The following ATP1A4 variants were observed in gnomAD, a reference collection of about 807,000 sequenced individuals.
The protein encoded by ATP1A4 is sodium/potassium-transporting ATPase subunit alpha-4.
Under a neutral mutation model 114.3 loss-of-function variants are expected in ATP1A4, and 90 were observed. That is an observed-to-expected ratio of 0.79 (90% CI 0.66 to 0.94). The LOEUF is 0.94. Among genes scored for constraint, ATP1A4 ranks in the 40% least tolerant of loss-of-function variants. The pLI is 0.00. For missense variants in ATP1A4, 1,222 were observed against 1,313.6 expected (o/e 0.93, Z 1.08); for synonymous variants, 511 against 494.1 (o/e 1.03, Z -0.45).
chr1:160,184,537 T>A (rs1355698721), intron 20 of ATP1A4, among the ~76,000 whole-genome samples: 1 of 151,906 alleles, frequency 6.6e-6, no homozygotes, highest in African/African-American at 2.4e-5. Context: ...ACAGAGCAAG[T>A]CCCTGTCTCT....
chr1:160,166,500 G>A (rs1310059915), intron 7 of ATP1A4, 28 bp from the exon 8 acceptor site: 8 of 1,612,876 alleles, frequency 5.0e-6, no homozygotes, highest in Non-Finnish European at 6.8e-6. Flanking sequence ...TCTCCCATGT[G>A]TATTCTCTCC....
At chr1:160,185,557 G>A (rs888262755) in intron 20 of ATP1A4, among the ~76,000 whole-genome samples, 49 of 151,946 alleles carry the variant, frequency 3.2e-4, no homozygotes, top group Non-Finnish European at 5.7e-4. Flanking sequence ...AGGCTGAGGC[G>A]GGTGGACTGC....
intron 1 of ATP1A4, among the ~76,000 whole-genome samples, 160 bp downstream of exon 1, chr1:160,152,347 TACAC>T (rs1045731885): frequency 5.4e-5 from 8 of 148,092 alleles, no homozygotes; most frequent in East Asian, 2.0e-4. Flanking sequence ...AAAAAAAAGA[TACAC>T]ACAGAGAGAC....
Position 160,155,131 on chromosome 1 carries a change from C to G in ATP1A4, c.294C>G (p.Val98=), listed in dbSNP as rs745862935. 1.9e-6 allele frequency: 3 copies of G among 1,612,460 alleles called. No homozygotes were observed. Among genetic ancestry groups the G allele is most frequent in the South Asian group, 1.1e-5 (1 of 91,036 alleles). ...CACCCCCCACCACTCCAGAATGGGT[C>G]AAATTCTGTAAGCAACTGTTCGGAG... is the stretch of plus-strand genomic sequence containing the variant. ...VTPPPTTPEW[V]KFCKQLFGGF... is the part of the protein sequence containing the mutation. The change falls in exon 3 of 22, where the codon GTC becomes GTG. Residue 98 remains valine, a synonymous_variant. Coordinates refer to ENST00000368081, the MANE Select transcript of ATP1A4 (RefSeq NM_144699.4).
Position 160,181,802 on chromosome 1 carries a change from A to G in ATP1A4, c.2855A>G (p.Gln952Arg). ...ISKTRRNSLFQQGMRNKVLIF... is the reference protein window; with the variant it reads ...ISKTRRNSLFRQGMRNKVLIF... ...AAGACTCGCCGCAACTCACTTTTCCAGCAGGGCATGAGGTGAACATCTCAC... is the reference window on the plus strand; with the variant it reads ...AAGACTCGCCGCAACTCACTTTTCCGGCAGGGCATGAGGTGAACATCTCAC... The change falls in exon 19 of 22, where the codon CAG (glutamine) becomes CGG (arginine). Residue 952 changes from glutamine to arginine, a missense_variant. By Grantham distance (43) the Gln-to-Arg change is conservative. Coordinates refer to ENST00000368081, the MANE Select transcript of ATP1A4 (RefSeq NM_144699.4). The G allele has an allele frequency of 6.2e-7, 1 of 1,609,964 alleles. No individual in the cohort carries two copies. The highest frequency in any genetic ancestry group is 8.5e-7 in the Non-Finnish European group (1 of 1,179,292).
Position 160,153,141 on chromosome 1 carries a change from T to C in ATP1A4, c.148-24T>C, listed in dbSNP as rs202167498. ...AATGACCTGGGCCACCCCCTGTCCC[T>C]CAATGCCTCTACTGTCCCCTCAGGA... On this transcript the variant is annotated intron_variant, in intron 1 of 21. Coordinates refer to ENST00000368081, the MANE Select transcript of ATP1A4 (RefSeq NM_144699.4). 1,608 of 1,611,176 alleles carry C rather than the reference T, an allele frequency of 1.0e-3. 3 individuals are homozygous for C. The highest frequency in any genetic ancestry group is 1.2e-3 in the Non-Finnish European group (1,469 of 1,177,428).
At chr1:160,160,106 T>A (rs571654262) in intron 6 of ATP1A4, among the ~76,000 whole-genome samples, 1 of 152,286 alleles carries the variant, frequency 6.6e-6, no homozygotes, top group African/African-American at 2.4e-5. Context: ...TCTGTCAATC[T>A]CTCCTTTGCC....
rs370755520 is a variant in ATP1A4, at chr1:160,155,215, G to T, written c.378G>T (p.Gln126His). The change falls in exon 3 of 22, where the codon CAG (glutamine) becomes CAT (histidine). Residue 126 changes from glutamine (Q) to histidine (H), a missense_variant. Transcript: ENST00000368081. ...AILCFVAYSI[Q>H]IYFNEEPTKD... ...TCTGCTTTGTGGCCTACAGCATCCA[G>T]ATATATTTCAATGAGGAGCCTACCA... The T allele has an allele frequency of 6.9e-4, 1,118 of 1,613,524 alleles. 14 individuals carry two copies. The South Asian group carries it at 0.012, about 17-fold the overall frequency.
chr1:160,184,207 T>C (rs1653805332), intron 20 of ATP1A4, among the ~76,000 whole-genome samples: 1 of 152,004 alleles, frequency 6.6e-6, no homozygotes, highest in Admixed American at 6.6e-5. Context: ...TGCCTCTGCC[T>C]CCCAAAGTGC....
chr1:160,171,807 A>G (rs753200982), intron 12 of ATP1A4, 50 bp downstream of exon 12: 2 of 1,588,690 alleles, frequency 1.3e-6, no homozygotes, highest in Middle Eastern at 1.7e-4. Context: ...AAGTTGAAGC[A>G]TCTACTAGAA....
chr1:160,184,864 A>G (rs1284515169), intron 20 of ATP1A4, among the ~76,000 whole-genome samples: 1 of 152,186 alleles, frequency 6.6e-6, no homozygotes, highest in Admixed American at 6.5e-5. Context: ...GTTGAGAAAC[A>G]AAACAATATC....
intron 12 of ATP1A4, among the ~76,000 whole-genome samples, chr1:160,172,683 T>C (rs1171209688): frequency 6.6e-6 from 1 of 152,242 alleles, no homozygotes; most frequent in Admixed American, 6.5e-5. Context: ...CTGTGTATTC[T>C]GGCTCCTAGA....
At chr1:160,180,499 G>A (rs1262474162) in intron 18 of ATP1A4, among the ~76,000 whole-genome samples, 1 of 152,036 alleles carries the variant, frequency 6.6e-6, no homozygotes, top group Non-Finnish European at 1.5e-5. Context: ...CGCTGACATG[G>A]TTAGCATAAT....
Position 160,167,036 on chromosome 1 carries a change from G to A in ATP1A4, c.1315G>A (p.Ala439Thr), listed in dbSNP as rs746800283. The stretch of plus-strand genomic sequence containing the variant: ...CCGAATCGCTGGCCTCTGCAACCGG[G>A]CTGACTTTAAGGCTAATCAGGAGAT... ...LARIAGLCNR[A>T]DFKANQEILP... Residue 439 changes from alanine to threonine, a missense_variant, in exon 9 of 22, where the codon GCT becomes ACT. By Grantham distance (58) the Ala-to-Thr change is moderately conservative. Transcript: ENST00000368081. The A allele has an allele frequency of 4.3e-6, 7 of 1,614,142 alleles. No individual in the cohort carries two copies. Among genetic ancestry groups the A allele is most frequent in the Non-Finnish European group, 5.9e-6 (7 of 1,180,022 alleles).
chr1:160,174,086 G>A lies in ATP1A4; in HGVS notation c.1992-25G>A, dbSNP rs368571451. ...GGTGAATTCTCAACACTCAAAACTAGCCTTTTGAAATTATTTTCCCTCAGT... is the reference window on the plus strand; with the variant it reads ...GGTGAATTCTCAACACTCAAAACTAACCTTTTGAAATTATTTTCCCTCAGT... On this transcript the variant is annotated intron_variant, in intron 13 of 21. Transcript: ENST00000368081. 93 of 1,611,096 alleles carry A rather than the reference G, an allele frequency of 5.8e-5. No homozygotes were observed. The African/African-American group carries it at 1.2e-3, about 21-fold the overall frequency.
chr1:160,181,744 G>C lies in ATP1A4; in HGVS notation c.2797G>C (p.Val933Leu). 2 of 1,613,958 alleles carry C rather than the reference G, an allele frequency of 1.2e-6. No individual in the cohort carries two copies. Among genetic ancestry groups the C allele is most frequent in the Non-Finnish European group, 1.7e-6 (2 of 1,179,978 alleles). Residue 933 changes from valine (V) to leucine (L), a missense_variant, in exon 19 of 22, where the codon GTG (valine) becomes CTG (leucine). By Grantham distance (32) the Val-to-Leu change is conservative (BLOSUM62 1). Coordinates refer to ENST00000368081, the MANE Select transcript of ATP1A4 (RefSeq NM_144699.4). ...TCQTAFFVTIVVVQWADLIIS... is the reference protein window; with the variant it reads ...TCQTAFFVTILVVQWADLIIS... The stretch of plus-strand genomic sequence containing the variant: ...CCAAACGGCCTTTTTTGTCACCATC[G>C]TGGTTGTGCAGTGGGCGGATCTCAT...
chr1:160,156,485 G>T (rs1364563775), intron 4 of ATP1A4, among the ~76,000 whole-genome samples: 1 of 151,790 alleles, frequency 6.6e-6, no homozygotes, highest in African/African-American at 2.4e-5. Flanking sequence ...TGCGGTGGGG[G>T]GTGGCTGGAT....
At position 160,171,486 on chromosome 1, in the gene ATP1A4, G is replaced by A. The variant is rs565871378; in HGVS notation, c.1681+46G>A. On this transcript the variant is annotated intron_variant, in intron 11 of 21. Transcript: ENST00000368081. ...TTTTTAAAAGAATGGCATCAAAATG[G>A]TTATTATCCCTGGGGTGAGAAATCA... is the stretch of plus-strand genomic sequence containing the variant. 2.5e-6 allele frequency: 4 copies of A among 1,607,014 alleles called. No homozygotes were observed. In the South Asian group the frequency reaches 3.3e-5, roughly 13 times the overall value.
At position 160,164,200 on chromosome 1, in the gene ATP1A4, A is replaced by G; in HGVS notation, c.823A>G (p.Met275Val). The change falls in exon 7 of 22, where the codon ATG (methionine) becomes GTG (valine). Residue 275 changes from methionine (M) to valine (V), a missense_variant. Physicochemically the swap from Met to Val is conservative, Grantham distance 21. Transcript: ENST00000368081. ...IVIATGDSTV[M>V]GRIASLTSGL... ...GATTGCTACGGGAGACTCCACAGTG[A>G]TGGGCAGAATTGCCTCCCTGACGTC... 1.2e-6 allele frequency: 2 copies of G among 1,614,092 alleles called. No individual in the cohort carries two copies. The highest frequency in any genetic ancestry group is 1.7e-6 in the Non-Finnish European group (2 of 1,179,934).
Sources: gnomAD v4.1 joint callset for allele counts (sites outside exome capture counted in the v4.1 genomes callset) on GRCh38, gnomAD v4.1.1 for gene constraint, MANE v1.5 for transcripts, NCBI Gene and HGNC (gene_info 2026-07-23, HGNC 2026-07-21) for gene names.